Variants in GCH1 observed in about 807,000 individuals in gnomAD.
GCH1 encodes the protein GTP cyclohydrolase 1.
In GCH1, 5 loss-of-function variants were observed where a neutral mutation model predicts 25.9. The ratio of observed to expected loss-of-function variants is 0.19; its 90% CI spans 0.10 to 0.41. The LOEUF is 0.41. GCH1 is among the 10% of genes least tolerant of loss of function. The pLI is 1.00. For missense variants in GCH1, 261 were observed against 336.5 expected, an observed-to-expected ratio of 0.78 and a Z score of 1.75; for synonymous variants, 159 against 129.6, an observed-to-expected ratio of 1.23 and a Z score of -1.54.
chr14:54,865,822 T>C (rs955530028), intron 1 of GCH1, among the ~76,000 whole-genome samples: 3 of 152,216 alleles, frequency 2.0e-5, no homozygotes, highest in South Asian at 2.1e-4. Context: ...AATCAATATG[T>C]AGAAAACCAT....
chr14:54,883,784 C>A (rs1237500377), intron 1 of GCH1, among the ~76,000 whole-genome samples: 3 of 152,210 alleles, frequency 2.0e-5, no homozygotes, highest in Non-Finnish European at 2.9e-5. Context: ...CTGTAACCCT[C>A]ACTACAGTCA....
In GCH1 at chr14:54,843,016, G is replaced by T. The variant is rs762415774; in HGVS notation, c.*1001C>A. The stretch of plus-strand genomic sequence containing the variant: ...ATGTCTTCCACCGTCAGTTCATTCT[G>T]TGCTCGTTCAGGTGCGTGGAAGCTA... On this transcript the variant is annotated 3_prime_UTR_variant, in exon 6 of 6. Transcript: ENST00000491895. The T allele has an allele frequency of 3.6e-6, 3 of 825,926 alleles. No homozygotes were observed. The highest frequency in any genetic ancestry group is 4.3e-6 in the Non-Finnish European group (2 of 461,666). The allele number at this position is 825,926 out of a possible 1,614,324, so 51.2% of individuals were successfully genotyped here.
rs1333779371 is a variant in GCH1, at chr14:54,843,524, AATAAAC to A, written c.*487_*492del. The A allele has an allele frequency of 6.8e-6, 9 of 1,326,818 alleles. No individual in the cohort carries two copies. In the African/African-American group the frequency reaches 1.2e-4, roughly 18 times the overall value. The allele number at this position is 1,326,818 out of a possible 1,614,324, so 82.2% of individuals were successfully genotyped here. A position where few individuals can be genotyped will look rare whatever the true frequency, so the allele number is the denominator to read the frequency against. On this transcript the variant is annotated 3_prime_UTR_variant, in exon 6 of 6. Transcript: ENST00000491895. ...TATTTTTAAATGTCACTGGTGGTTT[AATAAAC>A]ATGACCAAAGTGAAGTCTGTTGAAC...
chr14:54,888,292 G>T (rs2040379087), intron 1 of GCH1, among the ~76,000 whole-genome samples: 1 of 152,166 alleles, frequency 6.6e-6, no homozygotes, highest in South Asian at 2.1e-4. Context: ...CCTGTCAGCT[G>T]CTGGAAGTCA....
chr14:54,850,305 C>CTTT (rs763310228), intron 3 of GCH1, among the ~76,000 whole-genome samples: 5 of 117,026 alleles, frequency 4.3e-5, no homozygotes, highest in African/African-American at 1.3e-4. Context: ...TAAGTAGGTT[C>CTTT]TTTTTTTTTT....
rs1396411802 is a variant in GCH1, at chr14:54,865,185, T to C, written c.453+142A>G. ...TTAAGTTTCAAGTTATTAGTCAGGTTAATAAAGAATAACCATATATGTATA... is the reference window on the plus strand; with the variant it reads ...TTAAGTTTCAAGTTATTAGTCAGGTCAATAAAGAATAACCATATATGTATA... On this transcript the variant is annotated intron_variant, in intron 2 of 5. Transcript: ENST00000491895. 6.8e-6 allele frequency: 4 copies of C among 591,618 alleles called. No individual in the cohort carries two copies. The African/African-American group carries it at 7.5e-5, about 11-fold the overall frequency. The allele number at this position is 591,618 out of a possible 1,614,324, so 36.6% of individuals were successfully genotyped here. A position where few individuals can be genotyped will look rare whatever the true frequency, so the allele number is the denominator to read the frequency against.
chr14:54,873,610 A>G (rs1284794869), intron 1 of GCH1, among the ~76,000 whole-genome samples: 1 of 146,588 alleles, frequency 6.8e-6, no homozygotes, highest in East Asian at 1.9e-4. Context: ...AGACTAATAA[A>G]GAAGAAAAGA....
In GCH1 at chr14:54,880,882, T is replaced by C. The variant is rs917625855; in HGVS notation, c.344-15446A>G. 1.0e-4 allele frequency among the ~76,000 whole-genome samples: 15 copies of C among 144,500 alleles called. 1 individual carries two copies. Among genetic ancestry groups the C allele is most frequent in the Non-Finnish European group, 1.8e-4 (12 of 67,054 alleles). 94.8% of individuals were successfully genotyped at this position (144,500 alleles called of 152,430 possible). On this transcript the variant is annotated intron_variant, in intron 1 of 5. Coordinates refer to ENST00000491895, the MANE Select transcript of GCH1 (RefSeq NM_000161.3). ...ATACTCCATAATATATGGAGTGTAATGCTGCAATCTCGGCTTACCGCAACC... is the reference window on the plus strand; with the variant it reads ...ATACTCCATAATATATGGAGTGTAACGCTGCAATCTCGGCTTACCGCAACC...
intron 1 of GCH1, among the ~76,000 whole-genome samples, chr14:54,876,931 A>T (rs2040170604): frequency 6.6e-6 from 1 of 152,238 alleles, no homozygotes; most frequent in Non-Finnish European, 1.5e-5. Context: ...CCTTGGAATC[A>T]TGTAAATGTT....
chr14:54,851,471 C>T (rs1056311158), intron 3 of GCH1, among the ~76,000 whole-genome samples: 3 of 152,176 alleles, frequency 2.0e-5, no homozygotes, highest in African/African-American at 7.2e-5. Context: ...ATGATCTACC[C>T]ATCTGACAAA....
At chr14:54,874,681 C>A (rs1321796426) in intron 1 of GCH1, among the ~76,000 whole-genome samples, 1 of 152,162 alleles carries the variant, frequency 6.6e-6, no homozygotes, top group Non-Finnish European at 1.5e-5. Flanking sequence ...AAATCACGAG[C>A]ATTTCTATAC....
chr14:54,902,009 A>AGGGCTCC (rs1228097650), intron 1 of GCH1, among the ~76,000 whole-genome samples: 2 of 152,130 alleles, frequency 1.3e-5, no homozygotes, highest in East Asian at 3.9e-4. Context: ...CTCAGGCGAG[A>AGGGCTCC]GGGCTCCGGG....
rs529114832 is a variant in GCH1 at position 54,853,982 on chromosome 14, G to C, written c.509+5699C>G. On this transcript the variant is annotated intron_variant, in intron 3 of 5. Coordinates refer to ENST00000491895, the MANE Select transcript of GCH1 (RefSeq NM_000161.3). ...ATGTATGCAGGCTTTCAAACTCTTG[G>C]TCCATTCCTTTCTCTCCCCATCTTT... Among the ~76,000 whole-genome samples the C allele has an allele frequency of 3.3e-5, 5 of 152,140 alleles. No individual in the cohort carries two copies. The South Asian group carries it at 1.0e-3, about 32-fold the overall frequency.
chr14:54,879,669 T>C (rs1297271879), intron 1 of GCH1, among the ~76,000 whole-genome samples: 1 of 152,010 alleles, frequency 6.6e-6, no homozygotes, highest in East Asian at 1.9e-4. Context: ...CAATGTTACA[T>C]GTTGTTTGTA....
intron 1 of GCH1, among the ~76,000 whole-genome samples, chr14:54,871,412 A>G (rs1209390698): frequency 6.6e-6 from 1 of 152,246 alleles, no homozygotes; most frequent in Non-Finnish European, 1.5e-5. Flanking sequence ...ACAGAGCAGA[A>G]AAACTGGAAA....
chr14:54,852,248 C>T (rs1386723045), intron 3 of GCH1, among the ~76,000 whole-genome samples: 2 of 152,188 alleles, frequency 1.3e-5, no homozygotes, highest in Non-Finnish European at 2.9e-5. Context: ...AAAACGTCAA[C>T]AAACTTCCAA....
intron 1 of GCH1, among the ~76,000 whole-genome samples, chr14:54,867,743 T>C (rs760487107): frequency 6.6e-6 from 1 of 152,106 alleles, no homozygotes; most frequent in Non-Finnish European, 1.5e-5. Flanking sequence ...TGGGCACATG[T>C]GTTTAGAACT....
In GCH1 at chr14:54,860,740, C is replaced by T. The variant is rs139593266; in HGVS notation, c.454-1004G>A. ...ATTTTTAGTAGAGATGGTGTTTCAC[C>T]GTGTTAGCCAGGATGGTTTCGATCT... On this transcript the variant is annotated intron_variant, in intron 2 of 5. Transcript: ENST00000491895. 9.1e-3 allele frequency among the ~76,000 whole-genome samples: 1,382 copies of T among 152,122 alleles called. 17 individuals are homozygous for T. The highest frequency in any genetic ancestry group is 0.044 in the South Asian group (212 of 4,810).
rs1316689342 is a variant in GCH1, at chr14:54,843,729, TC to T, written c.*287del. ...TTTGAAAAAAATACACTAATTCTTC[TC>T]CCTTCCCAGGCCCCTCTGGTTATCT... On this transcript the variant is annotated 3_prime_UTR_variant, in exon 6 of 6. Transcript: ENST00000491895. The T allele has an allele frequency of 2.5e-6, 4 of 1,612,334 alleles. No homozygotes were observed. Among genetic ancestry groups the T allele is most frequent in the Non-Finnish European group, 3.4e-6 (4 of 1,179,578 alleles).
Sources: allele counts gnomAD v4.1 joint callset (sites outside exome capture counted in the v4.1 genomes callset), GRCh38; gene constraint gnomAD v4.1.1; transcripts MANE v1.5; gene names NCBI Gene and HGNC (gene_info 2026-07-23, HGNC 2026-07-21).